ERCC3: variants seen among roughly 807,000 people sequenced by gnomAD.
ERCC3 encodes ERCC excision repair 3, TFIIH core complex helicase subunit.
A neutral mutation model predicts 94.2 loss-of-function variants in ERCC3; 66 were observed. That is an observed-to-expected ratio of 0.70 (90% confidence interval 0.57 to 0.86). The LOEUF is 0.86. ERCC3 is among the 40% of genes least tolerant of loss of function. The pLI is 0.00. For missense variants in ERCC3, 829 were observed against 987.1 expected, an observed-to-expected ratio of 0.84 and a Z score of 2.15; for synonymous variants, 349 against 369.1, an observed-to-expected ratio of 0.95 and a Z score of 0.63.
chr2:127,277,531 A>T lies in ERCC3; in HGVS notation c.1730+1642T>A, dbSNP rs902087595. Among the ~76,000 whole-genome samples, 1 of 152,126 alleles carries T rather than the reference A, an allele frequency of 6.6e-6. No individual in the cohort carries two copies. Among genetic ancestry groups the T allele is most frequent in the African/African-American group, 2.4e-5 (1 of 41,404 alleles). ...ATGGTGAAACCCTATCTCTACCAAAAATACAAAAATTATCCAGGCTGTGGT... is the reference window on the plus strand; with the variant it reads ...ATGGTGAAACCCTATCTCTACCAAATATACAAAAATTATCCAGGCTGTGGT... On this transcript the variant is annotated intron_variant, in intron 10 of 14. Coordinates refer to ENST00000285398, the MANE Select transcript of ERCC3 (RefSeq NM_000122.2). This position sits in a 1 kb window ranked among gnomAD's most constrained non-coding sequence, Gnocchi z 5.1.
intron 12 of ERCC3, among the ~76,000 whole-genome samples, chr2:127,266,868 C>T (rs540923107): frequency 8.0e-4 from 121 of 152,050 alleles, no homozygotes; most frequent in African/African-American, 2.6e-3. Context: ...AGGCGCATGC[C>T]GCCACACTCA....
chr2:127,268,875 T>A (rs1349375476), intron 12 of ERCC3, among the ~76,000 whole-genome samples: 1 of 152,218 alleles, frequency 6.6e-6, no homozygotes, highest in African/African-American at 2.4e-5. Flanking sequence ...TTACAGCTTC[T>A]CTGGCATATC....
In ERCC3 at chr2:127,257,384, CA is replaced by C; in HGVS notation, c.*211del. 1.6e-6 allele frequency: 1 copy of C among 632,294 alleles called. No homozygotes were observed. Among genetic ancestry groups the C allele is most frequent in the Non-Finnish European group, 2.9e-6 (1 of 349,112 alleles). The allele number at this position is 632,294 out of a possible 1,614,324, so 39.2% of individuals were successfully genotyped here. A position where few individuals can be genotyped will look rare whatever the true frequency, so the allele number is the denominator to read the frequency against. ...TATATACAGAAATGACCCCACTCCC[CA>C]AAAAGTTTGAAAAAATATTGTCTCC... On this transcript the variant is annotated 3_prime_UTR_variant, in exon 15 of 15. Coordinates refer to ENST00000285398, the MANE Select transcript of ERCC3 (RefSeq NM_000122.2). The surrounding 1 kb of genome is among the most constrained non-coding windows in gnomAD (Gnocchi z 5.4).
At position 127,259,254 on chromosome 2, in the gene ERCC3, TGA is replaced by T. The variant is rs1684115980; in HGVS notation, c.2217+40_2217+41del. 1 of 1,611,624 alleles carries T rather than the reference TGA, an allele frequency of 6.2e-7. No homozygotes were observed. Among genetic ancestry groups the T allele is most frequent in the South Asian group, 1.1e-5 (1 of 91,034 alleles). ...GTCTGTGTCTACAAACGCTGCCCTGTGAGAGCACTGACACCTGGAACCTCCTC... is the reference window on the plus strand; with the variant it reads ...GTCTGTGTCTACAAACGCTGCCCTGTGAGCACTGACACCTGGAACCTCCTC... On this transcript the variant is annotated intron_variant, in intron 14 of 14. Coordinates refer to ENST00000285398, the MANE Select transcript of ERCC3 (RefSeq NM_000122.2). The surrounding 1 kb of genome is among the most constrained non-coding windows in gnomAD (Gnocchi z 4.9).
Position 127,259,043 on chromosome 2 carries a change from T to C in ERCC3, c.2217+253A>G, listed in dbSNP as rs889833412. 6.6e-6 allele frequency among the ~76,000 whole-genome samples: 1 copy of C among 152,108 alleles called. No individual in the cohort carries two copies. Among genetic ancestry groups the C allele is most frequent in the Non-Finnish European group, 1.5e-5 (1 of 68,024 alleles). The stretch of plus-strand genomic sequence containing the variant: ...GCCATCCTGGGCTTCAACATCAAGA[T>C]TTAACAAATACTCGTGTGAGCAAAG... On this transcript the variant is annotated intron_variant, in intron 14 of 14. Coordinates refer to ENST00000285398, the MANE Select transcript of ERCC3 (RefSeq NM_000122.2). This position sits in a 1 kb window ranked among gnomAD's most constrained non-coding sequence, Gnocchi z 4.9.
chr2:127,271,242 A>T lies in ERCC3; in HGVS notation c.1945+94T>A. The T allele has an allele frequency of 1.2e-6, 1 of 864,308 alleles. No individual in the cohort carries two copies. Among genetic ancestry groups the T allele is most frequent in the Non-Finnish European group, 2.0e-6 (1 of 498,238 alleles). The allele number at this position is 864,308 out of a possible 1,614,324, so 53.5% of individuals were successfully genotyped here. On this transcript the variant is annotated intron_variant, in intron 12 of 14. Coordinates refer to ENST00000285398, the MANE Select transcript of ERCC3 (RefSeq NM_000122.2). The surrounding 1 kb of genome is among the most constrained non-coding windows in gnomAD (Gnocchi z 5.0). ...CTCCCTCCAGAGTCTATTTAGCCCC[A>T]GGGCACATGGCAGCTCTCACCCCTA...
chr2:127,266,738 C>CA (rs1215780356), intron 12 of ERCC3, among the ~76,000 whole-genome samples: 1 of 95,434 alleles, frequency 1.0e-5, no homozygotes, highest in Non-Finnish European at 1.9e-5. Context: ...TTTTTTGTGA[C>CA]AGAGTCCTGC....
At chr2:127,276,897 C>A (rs1424334287) in intron 10 of ERCC3, among the ~76,000 whole-genome samples, 3 of 152,214 alleles carry the variant, frequency 2.0e-5, no homozygotes, top group African/African-American at 7.2e-5. Context: ...GGGCATCAGA[C>A]TGCCAAACTG....
chr2:127,275,523 T>C (rs984219347), intron 10 of ERCC3, among the ~76,000 whole-genome samples: 3 of 152,042 alleles, frequency 2.0e-5, no homozygotes, highest in Non-Finnish European at 4.4e-5. Context: ...CAAATTAACG[T>C]CCCTGCCCAA....
Position 127,279,413 on chromosome 2 carries a change from T to C in ERCC3, c.1528-38A>G, listed in dbSNP as rs776083297. On this transcript the variant is annotated intron_variant, in intron 9 of 14. Transcript: ENST00000285398. This position sits in a 1 kb window ranked among gnomAD's most constrained non-coding sequence, Gnocchi z 4.7. ...AAGAACCAGGGGTCATTTTACAAGT[T>C]TAAACACCACACAATTTAAAACTTT... 4.8e-6 allele frequency: 7 copies of C among 1,461,302 alleles called. No individual in the cohort carries two copies. The highest frequency in any genetic ancestry group is 1.7e-5 in the Admixed American group (1 of 59,808). 90.5% of individuals were successfully genotyped at this position (1,461,302 alleles called of 1,614,324 possible).
intron 11 of ERCC3, among the ~76,000 whole-genome samples, chr2:127,272,549 C>T (rs1558952917): frequency 6.6e-6 from 1 of 152,146 alleles, no homozygotes; most frequent in Non-Finnish European, 1.5e-5. Flanking sequence ...ATCTAAATGC[C>T]TACTTTTGCC....
chr2:127,285,508 C>T (rs1573955623), intron 8 of ERCC3, among the ~76,000 whole-genome samples: 1 of 152,018 alleles, frequency 6.6e-6, no homozygotes, highest in African/African-American at 2.4e-5. Flanking sequence ...CTGACCAACA[C>T]GGAGAAACCC....
Position 127,271,510 on chromosome 2 carries a change from T to C in ERCC3, c.1828-57A>G. The stretch of plus-strand genomic sequence containing the variant: ...TGAGGAAAAAAAAAAAGTCAACTGA[T>C]CCAGAATTTAAATAAGTTCTGTAGA... On this transcript the variant is annotated intron_variant, in intron 11 of 14. Coordinates refer to ENST00000285398, the MANE Select transcript of ERCC3 (RefSeq NM_000122.2). This position sits in a 1 kb window ranked among gnomAD's most constrained non-coding sequence, Gnocchi z 5.0. 2 of 1,146,544 alleles carry C rather than the reference T, an allele frequency of 1.7e-6. No individual in the cohort carries two copies. The highest frequency in any genetic ancestry group is 2.6e-6 in the Non-Finnish European group (2 of 755,298). 71.0% of individuals were successfully genotyped at this position (1,146,544 alleles called of 1,614,324 possible). A position where few individuals can be genotyped will look rare whatever the true frequency, so the allele number is the denominator to read the frequency against.
intron 8 of ERCC3, among the ~76,000 whole-genome samples, chr2:127,281,954 G>A (rs1008622939): frequency 1.3e-5 from 2 of 152,060 alleles, no homozygotes; most frequent in Non-Finnish European, 2.9e-5. Context: ...CAACACTGGG[G>A]GACATACTGA....
rs535791296 is a variant in ERCC3 at position 127,263,746 on chromosome 2, C to T, written c.1946-2400G>A. ...TCTGGGGGACGGAGTCTCGCTCTGT[C>T]GCCCAGGCTGGAGTGCAGTGGCGTG... On this transcript the variant is annotated intron_variant, in intron 12 of 14. Transcript: ENST00000285398. Among the ~76,000 whole-genome samples the T allele has an allele frequency of 7.4e-5, 11 of 149,144 alleles. No individual in the cohort carries two copies. The East Asian group carries it at 1.2e-3, about 16-fold the overall frequency.
chr2:127,257,513 G>T lies in ERCC3; in HGVS notation c.*83C>A. 1 of 1,576,272 alleles carries T rather than the reference G, an allele frequency of 6.3e-7. No homozygotes were observed. Among genetic ancestry groups the T allele is most frequent in the Non-Finnish European group, 8.7e-7 (1 of 1,147,706 alleles). On this transcript the variant is annotated 3_prime_UTR_variant, in exon 15 of 15. Coordinates refer to ENST00000285398, the MANE Select transcript of ERCC3 (RefSeq NM_000122.2). This position sits in a 1 kb window ranked among gnomAD's most constrained non-coding sequence, Gnocchi z 5.4. ...CAACGCTGGAGGGAAGGTCAAAGAGGTGGAAGGAAAATGTTATGCTGAAAA... is the reference window on the plus strand; with the variant it reads ...CAACGCTGGAGGGAAGGTCAAAGAGTTGGAAGGAAAATGTTATGCTGAAAA...
In ERCC3 at chr2:127,274,042, G is replaced by A. The variant is rs925222439; in HGVS notation, c.1731-1081C>T. Reference sequence around the variant, plus strand: ...AAAAAAAAAAAATCCAGCCAGGCGCGGTGGCTCACACCTGTAATCCCAGCA... The same window carrying A: ...AAAAAAAAAAAATCCAGCCAGGCGCAGTGGCTCACACCTGTAATCCCAGCA... On this transcript the variant is annotated intron_variant, in intron 10 of 14. Transcript: ENST00000285398. This position sits in a 1 kb window ranked among gnomAD's most constrained non-coding sequence, Gnocchi z 4.0. Among the ~76,000 whole-genome samples the A allele has an allele frequency of 1.1e-4, 17 of 151,428 alleles. No homozygotes were observed. The highest frequency in any genetic ancestry group is 1.9e-4 in the East Asian group (1 of 5,160).
rs70985445 is a variant in ERCC3 at position 127,269,417 on chromosome 2, CTT to C, written c.1945+1917_1945+1918del. 3.1e-3 allele frequency among the ~76,000 whole-genome samples: 355 copies of C among 113,562 alleles called. 4 individuals are homozygous for C. The highest frequency in any genetic ancestry group is 9.8e-3 in the African/African-American group (285 of 29,068). The allele number at this position is 113,562 out of a possible 152,430, so 74.5% of individuals were successfully genotyped here. On this transcript the variant is annotated intron_variant, in intron 12 of 14. Coordinates refer to ENST00000285398, the MANE Select transcript of ERCC3 (RefSeq NM_000122.2). ...TTGAGTAAGAAAACAATTCTATTCACTTTTTTTTTTTTTTTTTTTTTTGAGAT... is the reference window on the plus strand; with the variant it reads ...TTGAGTAAGAAAACAATTCTATTCACTTTTTTTTTTTTTTTTTTTTGAGAT...
At chr2:127,266,709 A>ATTTTTTTTTTTTTTTTT (rs960627621) in intron 12 of ERCC3, among the ~76,000 whole-genome samples, 3 of 87,338 alleles carry the variant, frequency 3.4e-5, no homozygotes, top group African/African-American at 1.0e-4. Context: ...ATGATCAATT[A>ATTTTTTTTTTTTTTTTT]TTTTTTTTTT....
Sources: allele counts gnomAD v4.1 joint callset (sites outside exome capture counted in the v4.1 genomes callset), GRCh38; gene constraint gnomAD v4.1.1; non-coding constraint Gnocchi (gnomAD v3.1); transcripts MANE v1.5; gene names NCBI Gene and HGNC (gene_info 2026-07-23, HGNC 2026-07-21).